Variants in ARMC9 observed in about 807,000 individuals in gnomAD.
ARMC9 encodes the protein lisH domain-containing protein ARMC9.
ARMC9 carries 94 observed loss-of-function variants against 107.0 expected under a neutral mutation model. That is an observed-to-expected ratio of 0.88 (90% CI 0.74 to 1.04). The LOEUF is 1.04. Ranked by LOEUF, ARMC9 falls within the 50% of genes least tolerant of loss-of-function variation. The probability of loss-of-function intolerance (pLI) is 0.00; values close to 1 mark genes in which losing one functional copy is unlikely to be tolerated. For missense variants in ARMC9, 942 were observed against 1,030.1 expected, an observed-to-expected ratio of 0.91 and a Z score of 1.17; for synonymous variants, 380 against 396.9, an observed-to-expected ratio of 0.96 and a Z score of 0.51.
rs185880195 is a variant in ARMC9, at chr2:231,266,696, T to G, written c.1120-4286T>G. ...CTCCAAATACCTCATATAAGTAGAA[T>G]TGTACAGTATTTTTCTTTTTGTGAC... is the stretch of plus-strand genomic sequence containing the variant. On this transcript the variant is annotated intron_variant, in intron 12 of 24. Transcript: ENST00000611582. 2.6e-5 allele frequency among the ~76,000 whole-genome samples: 4 copies of G among 152,334 alleles called. No individual in the cohort carries two copies. In the East Asian group the frequency reaches 7.7e-4, roughly 29 times the overall value.
chr2:231,306,132 A>T (rs1394563016), intron 19 of ARMC9, among the ~76,000 whole-genome samples: 1 of 152,228 alleles, frequency 6.6e-6, no homozygotes, highest in Non-Finnish European at 1.5e-5. Context: ...TGGCAGTTTC[A>T]TCCAGCTTCT....
At position 231,233,861 on chromosome 2, in the gene ARMC9, G is replaced by C. The variant is rs375409667; in HGVS notation, c.623-1363G>C. Among the ~76,000 whole-genome samples the C allele has an allele frequency of 1.4e-4, 21 of 152,008 alleles. 1 individual carries two copies. Among genetic ancestry groups the C allele is most frequent in the East Asian group, 5.8e-4 (3 of 5,200 alleles). On this transcript the variant is annotated intron_variant, in intron 7 of 24. Coordinates refer to ENST00000611582, the MANE Select transcript of ARMC9 (RefSeq NM_001352754.2). Reference sequence around the variant, plus strand: ...TCCATGAAATGAAATAGTAGTAATAGCCACCACTATATAACCTTCTCTAGG... The same window carrying C: ...TCCATGAAATGAAATAGTAGTAATACCCACCACTATATAACCTTCTCTAGG...
chr2:231,276,214 CAG>C (rs1303307271), intron 14 of ARMC9, among the ~76,000 whole-genome samples: 2 of 151,992 alleles, frequency 1.3e-5, no homozygotes, highest in South Asian at 2.1e-4. Flanking sequence ...AAATATTCCT[CAG>C]AGTCTATGTC....
At chr2:231,291,086 T>C (rs2040956101) in intron 17 of ARMC9, among the ~76,000 whole-genome samples, 1 of 152,164 alleles carries the variant, frequency 6.6e-6, no homozygotes, top group African/African-American at 2.4e-5. Context: ...TCTGCCCTTG[T>C]GGGACCAGTT....
rs932173734 is a variant in ARMC9, at chr2:231,369,889, C to T, written c.2262-64C>T. ...GATTATAGGCGGGAGCCACCACACC[C>T]GGCCCCTCCTGTGGTTTCTAATGCT... On this transcript the variant is annotated intron_variant, in intron 23 of 24. Coordinates refer to ENST00000611582, the MANE Select transcript of ARMC9 (RefSeq NM_001352754.2). The T allele has an allele frequency of 1.9e-4, 257 of 1,367,812 alleles. 1 individual carries two copies. The highest frequency in any genetic ancestry group is 2.2e-4 in the Non-Finnish European group (233 of 1,053,886). The allele number at this position is 1,367,812 out of a possible 1,614,324, so 84.7% of individuals were successfully genotyped here. A position where few individuals can be genotyped will look rare whatever the true frequency, so the allele number is the denominator to read the frequency against.
intron 9 of ARMC9, among the ~76,000 whole-genome samples, chr2:231,247,956 T>A (rs2036926456): frequency 6.6e-6 from 1 of 152,152 alleles, no homozygotes; most frequent in South Asian, 2.1e-4. Flanking sequence ...TTTGTATTAA[T>A]ATCTCAACCA....
At chr2:231,207,423 G>C (rs577627120) in intron 2 of ARMC9, among the ~76,000 whole-genome samples, 99 of 152,092 alleles carry the variant, frequency 6.5e-4, no homozygotes, top group Middle Eastern at 3.4e-3. Flanking sequence ...GCCTCCCAAA[G>C]TGTTGGGATT....
At chr2:231,207,055 A>G (rs1395221965) in intron 2 of ARMC9, among the ~76,000 whole-genome samples, 1 of 152,252 alleles carries the variant, frequency 6.6e-6, no homozygotes, top group South Asian at 2.1e-4. Flanking sequence ...CCTAGGCTGG[A>G]GTGCAGTGGC....
Position 231,247,391 on chromosome 2 carries a change from C to G in ARMC9, c.879+7350C>G, listed in dbSNP as rs1208609504. On this transcript the variant is annotated intron_variant, in intron 9 of 24. Transcript: ENST00000611582. The stretch of plus-strand genomic sequence containing the variant: ...AGCCATCTTTGTCAGCAGCTTCCTG[C>G]TATGTGGCTTGTGGCTCTGGCTTGA... Among the ~76,000 whole-genome samples, 3 of 152,230 alleles carry G rather than the reference C, an allele frequency of 2.0e-5. No homozygotes were observed. In the South Asian group the frequency reaches 6.2e-4, roughly 31 times the overall value.
chr2:231,260,748 T>G (rs2038259853), intron 11 of ARMC9, among the ~76,000 whole-genome samples: 1 of 152,186 alleles, frequency 6.6e-6, no homozygotes, highest in Non-Finnish European at 1.5e-5. Flanking sequence ...TTTATGCGGC[T>G]CTTGGTTTAC....
chr2:231,309,898 T>A lies in ARMC9; in HGVS notation c.1773+13645T>A, dbSNP rs570427143. ...GCTGCTTGGTTTTAAGAGCTCAGGG[T>A]CTGTTTACTCAAATTGAGCCATTTT... On this transcript the variant is annotated intron_variant, in intron 19 of 24. Transcript: ENST00000611582. Among the ~76,000 whole-genome samples the A allele has an allele frequency of 5.9e-5, 9 of 152,192 alleles. No homozygotes were observed. The East Asian group carries it at 1.7e-3, about 29-fold the overall frequency.
intron 6 of ARMC9, among the ~76,000 whole-genome samples, chr2:231,224,288 A>C (rs1490870476): frequency 6.6e-6 from 1 of 152,162 alleles, no homozygotes; most frequent in Non-Finnish European, 1.5e-5. Context: ...CTCTGCAAAA[A>C]GTACAAAAAG....
chr2:231,313,912 C>T (rs1286220068), intron 19 of ARMC9, among the ~76,000 whole-genome samples: 1 of 150,532 alleles, frequency 6.6e-6, no homozygotes, highest in Non-Finnish European at 1.5e-5. Context: ...TGTGCCACCA[C>T]TTCTGCCTAA....
intron 20 of ARMC9, among the ~76,000 whole-genome samples, chr2:231,339,347 A>T (rs987474299): frequency 6.6e-6 from 1 of 151,938 alleles, no homozygotes; most frequent in Non-Finnish European, 1.5e-5. Flanking sequence ...AAAAAAAATT[A>T]TATGTATTTT....
rs2041072442 is a variant in ARMC9, at chr2:231,292,350, C to A, written c.1717+907C>A. On this transcript the variant is annotated intron_variant, in intron 18 of 24. Coordinates refer to ENST00000611582, the MANE Select transcript of ARMC9 (RefSeq NM_001352754.2). ...TCTCCCTTTCCCCTCCTAAATCCTG[C>A]CCCACTATTAAGGTGGCTTCCCCAG... is the stretch of plus-strand genomic sequence containing the variant. 2.0e-5 allele frequency among the ~76,000 whole-genome samples: 3 copies of A among 152,130 alleles called. No individual in the cohort carries two copies. In the South Asian group the frequency reaches 6.2e-4, roughly 32 times the overall value.
At chr2:231,332,885 C>A (rs1401040731) in intron 20 of ARMC9, among the ~76,000 whole-genome samples, 1 of 152,114 alleles carries the variant, frequency 6.6e-6, no homozygotes, top group Non-Finnish European at 1.5e-5. Flanking sequence ...TGTTTGGACC[C>A]CAAAGTCTTC....
intron 24 of ARMC9, among the ~76,000 whole-genome samples, chr2:231,370,353 C>A (rs1294376848): frequency 6.6e-6 from 1 of 152,250 alleles, no homozygotes; most frequent in African/African-American, 2.4e-5. Context: ...TTCCCTTTGG[C>A]CTCAGTGACT....
intron 19 of ARMC9, among the ~76,000 whole-genome samples, chr2:231,321,183 T>C (rs1175339412): frequency 6.6e-6 from 1 of 152,272 alleles, no homozygotes; most frequent in Non-Finnish European, 1.5e-5. Context: ...GTCAGCTGTT[T>C]TTAACGCCGC....
chr2:231,355,619 C>T (rs562224412), intron 21 of ARMC9, among the ~76,000 whole-genome samples, 179 bp from the exon 22 acceptor site: 6 of 152,254 alleles, frequency 3.9e-5, no homozygotes, highest in East Asian at 1.9e-4. Flanking sequence ...GCTACTGCCT[C>T]ACAGGGTCAG....
Sources: allele counts gnomAD v4.1 joint callset (sites outside exome capture counted in the v4.1 genomes callset), GRCh38; gene constraint gnomAD v4.1.1; transcripts MANE v1.5; gene names NCBI Gene and HGNC (gene_info 2026-07-23, HGNC 2026-07-21).